Variants in LRP1B observed in about 807,000 individuals in gnomAD.
The protein encoded by LRP1B is LDL receptor related protein 1B, also known as low-density lipoprotein receptor-related protein 1B.
In LRP1B, 217 loss-of-function variants were observed where a neutral mutation model predicts 556.6. That is an observed-to-expected ratio of 0.39 (90% CI 0.35 to 0.44). The LOEUF is 0.44. Among genes scored for constraint, LRP1B ranks in the 20% least tolerant of loss-of-function variants. The pLI is 1.00. For missense variants in LRP1B, 5,053 were observed against 5,620.8 expected (o/e 0.90, Z 3.23); for synonymous variants, 2,047 against 1,865.8 (o/e 1.10, Z -2.50).
intron 7 of LRP1B, among the ~76,000 whole-genome samples, chr2:141,119,935 T>G (rs1701003796): frequency 6.6e-6 from 1 of 151,904 alleles, no homozygotes; most frequent in Non-Finnish European, 1.5e-5. Context: ...ATATGTTGTA[T>G]TCTAGCAAAT....
At chr2:140,570,784 A>T (rs1681294791) in intron 43 of LRP1B, among the ~76,000 whole-genome samples, 1 of 151,860 alleles carries the variant, frequency 6.6e-6, no homozygotes, top group African/African-American at 2.4e-5. Context: ...ATACTAGCAA[A>T]CTGGATCTAG....
intron 66 of LRP1B, among the ~76,000 whole-genome samples, chr2:140,426,357 T>A (rs1220835852): frequency 6.6e-6 from 1 of 152,188 alleles, no homozygotes; most frequent in Non-Finnish European, 1.5e-5. Context: ...GCAGTAATTA[T>A]CAATTTTCTT....
chr2:140,578,278 T>C (rs1681614465), intron 43 of LRP1B, among the ~76,000 whole-genome samples: 1 of 152,108 alleles, frequency 6.6e-6, no homozygotes, highest in East Asian at 1.9e-4. Flanking sequence ...TTTTTCACTT[T>C]CGTTCTCATC....
intron 32 of LRP1B, among the ~76,000 whole-genome samples, chr2:140,802,857 T>C (rs1008313538): frequency 1.6e-4 from 24 of 152,146 alleles, no homozygotes; most frequent in African/African-American, 5.8e-4. Context: ...TTTCAACGAG[T>C]CACTTTTTTA....
At chr2:141,067,989 T>C (rs1321322265) in intron 7 of LRP1B, among the ~76,000 whole-genome samples, 1 of 152,032 alleles carries the variant, frequency 6.6e-6, no homozygotes, top group Non-Finnish European at 1.5e-5. Context: ...TTGCTTCCTG[T>C]CCTTAGGTCT....
In LRP1B at chr2:141,080,326, T is replaced by G. The variant is rs1192299086; in HGVS notation, c.1014-18053A>C. On this transcript the variant is annotated intron_variant, in intron 7 of 90. Transcript: ENST00000389484. The stretch of plus-strand genomic sequence containing the variant: ...GTCTGGTATTCCTAACTTTATGTAG[T>G]TAGCAAAATCTTACTGATTTTGCTT... 6.2e-4 allele frequency among the ~76,000 whole-genome samples: 95 copies of G among 152,208 alleles called. 3 individuals are homozygous for G. The highest frequency in any genetic ancestry group is 6.2e-3 in the Admixed American group (95 of 15,286).
At chr2:140,648,164 T>A (rs555006890) in intron 41 of LRP1B, among the ~76,000 whole-genome samples, 48 of 152,026 alleles carry the variant, frequency 3.2e-4, no homozygotes, top group Non-Finnish European at 5.0e-4. Context: ...CTAGAAACCA[T>A]CAATCTGAGC....
chr2:141,348,138 A>T (rs1308940223), intron 3 of LRP1B, among the ~76,000 whole-genome samples: 7 of 152,050 alleles, frequency 4.6e-5, no homozygotes. Flanking sequence ...TTTCAATCTA[A>T]CATTTATGCA....
intron 3 of LRP1B, among the ~76,000 whole-genome samples, chr2:141,341,904 G>A (rs1688070193): frequency 6.6e-6 from 1 of 152,098 alleles, no homozygotes. Context: ...ATAGCAGTCA[G>A]CATCATTATC....
At chr2:140,536,735 T>A (rs2105004392) in intron 45 of LRP1B, 26 bp from the exon 46 acceptor site, 9 of 1,552,330 alleles carry the variant, frequency 5.8e-6, no homozygotes, top group Non-Finnish European at 7.8e-6. Context: ...AAAAAGTCAA[T>A]ACTTTTGTGC....
At chr2:140,829,139 T>A (rs975560912) in intron 31 of LRP1B, among the ~76,000 whole-genome samples, 1 of 152,018 alleles carries the variant, frequency 6.6e-6, no homozygotes, top group African/African-American at 2.4e-5. Context: ...AAGCAAATAT[T>A]AATAAATCTA....
At chr2:140,386,093 TGGC>T in intron 66 of LRP1B, 84 bp from the exon 67 acceptor site, 2 of 780,362 alleles carry the variant, frequency 2.6e-6, no homozygotes, top group Non-Finnish European at 4.3e-6. Flanking sequence ...GCCAAATCCA[TGGC>T]ATATAATGTT....
rs759592813 is a variant in LRP1B at position 140,247,129 on chromosome 2, T to C, written c.13281A>G (p.Glu4427=). The change falls in exon 87 of 91, where the codon GAA becomes GAG. Residue 4427 remains glutamate, a synonymous_variant. Transcript: ENST00000389484. ...CSTNWSGTQC[E]RPAPKSSKSD... Reference sequence around the variant, plus strand: ...ACTTGCTGCTCTTTGGGGCTGGCCTTTCACACTGTGTGCCTGACCAGTTGG... The same window carrying C: ...ACTTGCTGCTCTTTGGGGCTGGCCTCTCACACTGTGTGCCTGACCAGTTGG... The C allele has an allele frequency of 1.2e-6, 2 of 1,609,464 alleles. No individual in the cohort carries two copies. The highest frequency in any genetic ancestry group is 1.7e-6 in the Non-Finnish European group (2 of 1,176,780).
intron 1 of LRP1B, among the ~76,000 whole-genome samples, chr2:142,041,891 A>G (rs1363624548): frequency 6.6e-6 from 1 of 151,018 alleles, no homozygotes; most frequent in Non-Finnish European, 1.5e-5. Flanking sequence ...CTTATTACAC[A>G]TGTCTTAAAC....
chr2:142,005,015 T>C (rs1257210113), intron 1 of LRP1B, among the ~76,000 whole-genome samples: 2 of 148,324 alleles, frequency 1.3e-5, no homozygotes, highest in South Asian at 4.2e-4. Context: ...ATTATAGATA[T>C]TATATATTTA....
chr2:141,171,240 T>G (rs2105143301), intron 7 of LRP1B, among the ~76,000 whole-genome samples: 1 of 152,242 alleles, frequency 6.6e-6, no homozygotes, highest in South Asian at 2.1e-4. Flanking sequence ...TGTATAGTTC[T>G]GTGGGTTTTG....
chr2:140,432,234 C>A lies in LRP1B; in HGVS notation c.10414+10270G>T, dbSNP rs899486527. Among the ~76,000 whole-genome samples the A allele has an allele frequency of 2.0e-5, 3 of 152,186 alleles. No individual in the cohort carries two copies. In the East Asian group the frequency reaches 5.8e-4, roughly 29 times the overall value. ...ATCTGCCCACCAGAGAACAACCCCC[C>A]TTTGACTGTAATTTTCCTTTACCTA... On this transcript the variant is annotated intron_variant, in intron 66 of 90. Coordinates refer to ENST00000389484, the MANE Select transcript of LRP1B (RefSeq NM_018557.3).
chr2:142,118,079 C>A (rs1285135513), intron 1 of LRP1B, among the ~76,000 whole-genome samples: 4 of 152,104 alleles, frequency 2.6e-5, no homozygotes, highest in Non-Finnish European at 5.9e-5. Flanking sequence ...CAATCATTTT[C>A]TTTTGCCTGC....
intron 20 of LRP1B, among the ~76,000 whole-genome samples, chr2:140,945,933 G>A (rs1156537466): frequency 1.3e-5 from 2 of 152,110 alleles, no homozygotes; most frequent in Non-Finnish European, 2.9e-5. Flanking sequence ...CCTGCAGAAT[G>A]GGGGCAAGTC....
Sources: gnomAD v4.1 joint callset for allele counts (sites outside exome capture counted in the v4.1 genomes callset) on GRCh38, gnomAD v4.1.1 for gene constraint, MANE v1.5 for transcripts, NCBI Gene and HGNC (gene_info 2026-07-23, HGNC 2026-07-21) for gene names.